The following FGF13 variants were observed in gnomAD, a reference collection of about 807,000 sequenced individuals.
FGF13 encodes the protein fibroblast growth factor homologous factor 2.
Under a neutral mutation model 19.5 loss-of-function variants are expected in FGF13, and 2 were observed. The ratio of observed to expected loss-of-function variants is 0.10; its 90% CI spans 0.04 to 0.32. The LOEUF (loss-of-function observed/expected upper bound fraction) is 0.32, where lower values mean the gene tolerates loss of function less well. Ranked by LOEUF, FGF13 falls within the 10% of genes least tolerant of loss-of-function variation. The pLI, the probability that FGF13 is intolerant of heterozygous loss-of-function variation, is 1.00. For missense variants in FGF13, 113 were observed against 192.7 expected, an observed-to-expected ratio of 0.59 and a Z score of 2.45; for synonymous variants, 72 against 76.9, an observed-to-expected ratio of 0.94 and a Z score of 0.33.
At chrX:138,780,923 T>A (rs1223616780) in intron 3 of FGF13, among the ~76,000 whole-genome samples, 4 of 109,190 alleles carry the variant, frequency 3.7e-5, no homozygotes, top group African/African-American at 1.0e-4. Flanking sequence ...GAAGTAAAGC[T>A]CTCCTCAGCA....
At chrX:139,160,339 C>T (rs1327856351) in intron 1 of FGF13, among the ~76,000 whole-genome samples, 1 of 112,088 alleles carries the variant, frequency 8.9e-6, no homozygotes, top group Non-Finnish European at 1.9e-5. Context: ...ACAGCTAAAG[C>T]AGTGTTTAGA....
Position 139,157,773 on chromosome X carries a change from G to A in FGF13, c.-113+45643C>T, listed in dbSNP as rs190763241. Among the ~76,000 whole-genome samples, 7 of 113,076 alleles carry A rather than the reference G, an allele frequency of 6.2e-5. No homozygotes were observed. In the East Asian group the frequency reaches 2.0e-3, roughly 32 times the overall value. On this transcript the variant is annotated intron_variant, in intron 1 of 2. Coordinates refer to the FGF13 transcript ENST00000421460. ...AAATGTGGAAGCAGCCTTAGAACTG[G>A]ATGATGGGTAGGGGCTGGAAGAAGT... is the stretch of plus-strand genomic sequence containing the variant.
rs752887780 is a variant in FGF13 at position 138,888,636 on chromosome X, C to T, written c.-112-23986G>A. On this transcript the variant is annotated intron_variant, in intron 1 of 2. Transcript: ENST00000421460. ...AGAGAAGAGGTGTTGTCTTTGCTTGCTTCCCAAGTTACTGCCATTTTTCCT... is the reference window on the plus strand; with the variant it reads ...AGAGAAGAGGTGTTGTCTTTGCTTGTTTCCCAAGTTACTGCCATTTTTCCT... 6.7e-4 allele frequency among the ~76,000 whole-genome samples: 73 copies of T among 109,459 alleles called. 1 individual carries two copies. Among genetic ancestry groups the T allele is most frequent in the African/African-American group, 2.3e-3 (70 of 30,020 alleles).
chrX:138,934,719 C>G (rs1245980162), intron 1 of FGF13, among the ~76,000 whole-genome samples: 1 of 112,115 alleles, frequency 8.9e-6, no homozygotes, highest in African/African-American at 3.2e-5. Flanking sequence ...GGGGCCCAAG[C>G]CAGTCCATCA....
chrX:138,903,007 GA>G (rs750782007), intron 1 of FGF13, among the ~76,000 whole-genome samples: 32 of 108,716 alleles, frequency 2.9e-4, no homozygotes, highest in East Asian at 1.2e-3. Flanking sequence ...AATTAAAAAT[GA>G]AAAAAAAATA....
chrX:138,993,876 A>T (rs1208830065), intron 1 of FGF13, among the ~76,000 whole-genome samples: 1 of 111,541 alleles, frequency 9.0e-6, no homozygotes, highest in Admixed American at 9.5e-5. Context: ...AGTGTCAAAA[A>T]CCTAGTAGAC....
chrX:139,173,296 A>C (rs1238737481), intron 1 of FGF13, among the ~76,000 whole-genome samples: 1 of 111,292 alleles, frequency 9.0e-6, no homozygotes, highest in Non-Finnish European at 1.9e-5. Context: ...CCCTGGCTCT[A>C]AACTGTCTCT....
chrX:139,100,417 G>A (rs1002030095), intron 1 of FGF13, among the ~76,000 whole-genome samples: 2 of 109,590 alleles, frequency 1.8e-5, no homozygotes, highest in Non-Finnish European at 3.8e-5. Flanking sequence ...GAGTAGAGAC[G>A]ATAATAGGCA....
At chrX:138,791,858 GA>G (rs2090745081) in intron 3 of FGF13, among the ~76,000 whole-genome samples, 1 of 111,812 alleles carries the variant, frequency 8.9e-6, no homozygotes, top group South Asian at 3.7e-4. Context: ...AATTTTGACA[GA>G]AAAGACATTA....
At chrX:138,998,377 C>T (rs1465042040) in intron 1 of FGF13, among the ~76,000 whole-genome samples, 1 of 110,763 alleles carries the variant, frequency 9.0e-6, no homozygotes, top group African/African-American at 3.3e-5. Flanking sequence ...AATTAAAAGA[C>T]ACAGAAGGCA....
chrX:138,944,130 A>G (rs988669173), intron 1 of FGF13, among the ~76,000 whole-genome samples: 4 of 111,396 alleles, frequency 3.6e-5, no homozygotes, highest in African/African-American at 1.3e-4. Context: ...GGGTGTGTAG[A>G]GAAAGAAGAT....
chrX:138,912,530 T>A (rs1050000417), intron 1 of FGF13, among the ~76,000 whole-genome samples: 1 of 111,451 alleles, frequency 9.0e-6, no homozygotes, highest in African/African-American at 3.3e-5. Flanking sequence ...TATAAATATA[T>A]CACTATTTAA....
At chrX:139,175,572 T>C (rs1267546173) in intron 1 of FGF13, among the ~76,000 whole-genome samples, 2 of 111,824 alleles carry the variant, frequency 1.8e-5, no homozygotes, top group Non-Finnish European at 3.8e-5. Context: ...TGAGATAGGT[T>C]CCATCAAACC....
intron 1 of FGF13, among the ~76,000 whole-genome samples, chrX:139,194,907 A>G (rs771545922): frequency 3.0e-4 from 33 of 111,587 alleles, no homozygotes; most frequent in Non-Finnish European, 5.7e-4. Context: ...CCGTGAGTCG[A>G]CTGGGCCGTG....
chrX:138,635,186 A>T (rs1401313342), intron 4 of FGF13, among the ~76,000 whole-genome samples: 1 of 111,826 alleles, frequency 8.9e-6, no homozygotes, highest in African/African-American at 3.3e-5. Flanking sequence ...GTGGGAGCTA[A>T]GCTATGAAGA....
At chrX:138,764,126 T>C (rs2090487804) in intron 3 of FGF13, among the ~76,000 whole-genome samples, 1 of 111,457 alleles carries the variant, frequency 9.0e-6, no homozygotes, top group South Asian at 3.8e-4. Flanking sequence ...CTAAAGAACT[T>C]CAGATCCAGG....
At chrX:138,968,205 T>C (rs1009206869) in intron 1 of FGF13, among the ~76,000 whole-genome samples, 1 of 112,414 alleles carries the variant, frequency 8.9e-6, no homozygotes, top group Non-Finnish European at 1.9e-5. Context: ...GGAGATTTCA[T>C]TTAATTTGTT....
chrX:138,635,449 A>G lies in FGF13; in HGVS notation c.601+8T>C, dbSNP rs1229144758. 5 of 1,203,174 alleles carry G rather than the reference A, an allele frequency of 4.2e-6. No individual in the cohort carries two copies. Among genetic ancestry groups the G allele is most frequent in the Non-Finnish European group, 5.6e-6 (5 of 887,711 alleles). The stretch of plus-strand genomic sequence containing the variant: ...CATAATCCATAGTTCCCACAATATC[A>G]AATGTACCTTTCAGTGGTTTAGGCA... On this transcript the variant is annotated splice_region_variant and intron_variant, in intron 4 of 4. Coordinates refer to ENST00000315930, the MANE Select transcript of FGF13 (RefSeq NM_004114.5).
chrX:138,674,800 T>C (rs1404228942), intron 3 of FGF13, among the ~76,000 whole-genome samples: 1 of 110,784 alleles, frequency 9.0e-6, no homozygotes, highest in Non-Finnish European at 1.9e-5. Flanking sequence ...GTGGACAAGA[T>C]CATTGGAGGA....
Sources: gnomAD v4.1 joint callset for allele counts (sites outside exome capture counted in the v4.1 genomes callset) on GRCh38, gnomAD v4.1.1 for gene constraint, MANE v1.5 for transcripts, NCBI Gene and HGNC (gene_info 2026-07-23, HGNC 2026-07-21) for gene names.